SEMA5B: variants seen among roughly 807,000 people sequenced by gnomAD.
SEMA5B encodes semaphorin 5B.
Under a neutral mutation model 135.0 loss-of-function variants are expected in SEMA5B, and 66 were observed. The ratio of observed to expected loss-of-function variants is 0.49; its 90% CI spans 0.40 to 0.60. SEMA5B has a LOEUF of 0.60. Among genes scored for constraint, SEMA5B ranks in the 20% least tolerant of loss-of-function variants. The pLI, the probability that SEMA5B is intolerant of heterozygous loss-of-function variation, is 0.00. For synonymous variants in SEMA5B, 690 were observed against 639.5 expected, an observed-to-expected ratio of 1.08 and a Z score of -1.19; for missense variants, 1,501 against 1,566.3, an observed-to-expected ratio of 0.96 and a Z score of 0.70.
intron 1 of SEMA5B, among the ~76,000 whole-genome samples, chr3:123,014,271 C>T (rs770924413): frequency 2.0e-5 from 3 of 152,110 alleles, no homozygotes; most frequent in South Asian, 2.1e-4. Flanking sequence ...AGACTCTAAA[C>T]GAAGGCTAGT....
At position 122,922,375 on chromosome 3, in the gene SEMA5B, A is replaced by G; in HGVS notation, c.1345T>C (p.Phe449Leu). The change falls in exon 11 of 23, where the codon TTC (phenylalanine) becomes CTC (leucine). Residue 449 changes from phenylalanine to leucine, a missense_variant. Transcript: ENST00000357599. ...GGCTGCACGGCCTCGCTCATCAGGA[A>G]GAGGCGCTGCGCGTCCTGCAGGCTG... ...ERSLQDAQRL[F>L]LMSEAVQPVT... 3 of 1,612,810 alleles carry G rather than the reference A, an allele frequency of 1.9e-6. No individual in the cohort carries two copies. Among genetic ancestry groups the G allele is most frequent in the Non-Finnish European group, 2.5e-6 (3 of 1,179,526 alleles).
chr3:123,009,958 C>A (rs987729671), intron 1 of SEMA5B, among the ~76,000 whole-genome samples: 5 of 152,202 alleles, frequency 3.3e-5, no homozygotes, highest in Non-Finnish European at 5.9e-5. Context: ...CATGGTGATG[C>A]AGTACAGGCA....
At chr3:122,939,048 T>TA (rs2107511663) in intron 5 of SEMA5B, among the ~76,000 whole-genome samples, 1 of 152,332 alleles carries the variant, frequency 6.6e-6, no homozygotes, top group South Asian at 2.1e-4. Flanking sequence ...TCTGGGGACT[T>TA]ACAATAACCA....
chr3:122,915,352 G>T, intron 14 of SEMA5B, 88 bp downstream of exon 14: 1 of 1,341,600 alleles, frequency 7.5e-7, no homozygotes, highest in Non-Finnish European at 1.0e-6. Flanking sequence ...GTCCCTTAGT[G>T]CAAACACCCA....
Position 122,914,056 on chromosome 3 carries a change from G to T in SEMA5B, c.1989-55C>A, listed in dbSNP as rs1323221438. 3 of 1,500,240 alleles carry T rather than the reference G, an allele frequency of 2.0e-6. No individual in the cohort carries two copies. The Admixed American group carries it at 6.4e-5, about 32-fold the overall frequency. 92.9% of individuals were successfully genotyped at this position (1,500,240 alleles called of 1,614,324 possible). A position where few individuals can be genotyped will look rare whatever the true frequency, so the allele number is the denominator to read the frequency against. On this transcript the variant is annotated intron_variant, in intron 14 of 22. Transcript: ENST00000357599. ...TGCCCCTCTGAGCCCTAGCTTCTTAGATCTAGTCTGTCTCTGGGCCGATGT... is the reference window on the plus strand; with the variant it reads ...TGCCCCTCTGAGCCCTAGCTTCTTATATCTAGTCTGTCTCTGGGCCGATGT...
At chr3:123,013,101 C>T (rs561030645) in intron 1 of SEMA5B, among the ~76,000 whole-genome samples, 1 of 152,212 alleles carries the variant, frequency 6.6e-6, no homozygotes. Flanking sequence ...GAAAAGAACA[C>T]ACCGGTCAGA....
intron 2 of SEMA5B, among the ~76,000 whole-genome samples, chr3:122,954,958 ATTTTGTT>A (rs1366195967): frequency 1.4e-5 from 2 of 145,110 alleles, no homozygotes; most frequent in Admixed American, 6.8e-5. Context: ...AGGCTGGGCA[ATTTTGTT>A]TTTTGTTTTT....
intron 3 of SEMA5B, among the ~76,000 whole-genome samples, chr3:122,945,572 C>G (rs1368064030): frequency 1.3e-5 from 2 of 152,078 alleles, no homozygotes; most frequent in African/African-American, 4.8e-5. Flanking sequence ...CAAATATTTT[C>G]TGTGTGTGTA....
intron 1 of SEMA5B, among the ~76,000 whole-genome samples, chr3:123,018,321 C>T (rs1942605855): frequency 6.6e-6 from 1 of 152,258 alleles, no homozygotes; most frequent in Non-Finnish European, 1.5e-5. Context: ...TTCTGGTTCT[C>T]CCGAGCTGAA....
chr3:122,987,044 G>T (rs915032961), intron 1 of SEMA5B, among the ~76,000 whole-genome samples: 3 of 152,174 alleles, frequency 2.0e-5, no homozygotes, highest in Admixed American at 2.0e-4. Context: ...CCAGAGAAAG[G>T]CCAGGAAAGG....
chr3:122,919,312 G>A (rs2107629887), intron 12 of SEMA5B, among the ~76,000 whole-genome samples: 1 of 152,296 alleles, frequency 6.6e-6, no homozygotes, highest in East Asian at 1.9e-4. Flanking sequence ...CTGGAAGGAG[G>A]AAAGGGGTGG....
intron 12 of SEMA5B, among the ~76,000 whole-genome samples, chr3:122,919,340 C>T (rs183095258): frequency 1.3e-3 from 198 of 152,230 alleles, no homozygotes; most frequent in African/African-American, 4.4e-3. Flanking sequence ...ATAAAACACC[C>T]GCTTTGCAGA....
intron 12 of SEMA5B, among the ~76,000 whole-genome samples, chr3:122,917,546 A>C (rs935268148): frequency 6.6e-6 from 1 of 152,100 alleles, no homozygotes; most frequent in Non-Finnish European, 1.5e-5. Context: ...GGTTCAATAG[A>C]TCATGTCAGG....
chr3:122,942,230 G>A (rs1329605825), intron 4 of SEMA5B, among the ~76,000 whole-genome samples: 2 of 152,224 alleles, frequency 1.3e-5, no homozygotes, highest in Non-Finnish European at 2.9e-5. Flanking sequence ...CTTTACAGAT[G>A]AGGAAACTGA....
intron 2 of SEMA5B, among the ~76,000 whole-genome samples, chr3:122,951,692 A>G (rs1400596304): frequency 6.6e-6 from 1 of 152,252 alleles, no homozygotes; most frequent in Non-Finnish European, 1.5e-5. Context: ...AGCTGGGGTG[A>G]ATCAGAATCA....
At chr3:122,937,418 C>T (rs556401524) in intron 5 of SEMA5B, among the ~76,000 whole-genome samples, 1 of 152,346 alleles carries the variant, frequency 6.6e-6, no homozygotes, top group African/African-American at 2.4e-5. Flanking sequence ...TGGCACACCC[C>T]AACCTCTTGC....
intron 1 of SEMA5B, among the ~76,000 whole-genome samples, chr3:122,982,434 G>A (rs1482651259): frequency 6.6e-6 from 1 of 152,168 alleles, no homozygotes; most frequent in Non-Finnish European, 1.5e-5. Context: ...TATTAGGAAG[G>A]GAAATCTTCT....
At chr3:123,018,715 A>G (rs1319449273) in intron 1 of SEMA5B, among the ~76,000 whole-genome samples, 5 of 152,130 alleles carry the variant, frequency 3.3e-5, no homozygotes, top group African/African-American at 9.7e-5. Flanking sequence ...CCAACATCCA[A>G]TTCTCCACTT....
intron 1 of SEMA5B, among the ~76,000 whole-genome samples, chr3:122,993,947 C>G (rs574815644): frequency 2.6e-5 from 4 of 152,116 alleles, no homozygotes; most frequent in Non-Finnish European, 4.4e-5. Flanking sequence ...TTGGCCCCCC[C>G]ACCTCAAGCC....
Sources: allele counts gnomAD v4.1 joint callset (sites outside exome capture counted in the v4.1 genomes callset), GRCh38; gene constraint gnomAD v4.1.1; transcripts MANE v1.5; gene names NCBI Gene and HGNC (gene_info 2026-07-23, HGNC 2026-07-21).